The following LRRC63 variants were observed in gnomAD, a reference collection of about 807,000 sequenced individuals.
The protein encoded by LRRC63 is leucine-rich repeat-containing protein 63.
A neutral mutation model predicts 49.5 loss-of-function variants in LRRC63; 40 were observed. The ratio of observed to expected loss-of-function variants is 0.81; its 90% CI spans 0.63 to 1.05. The LOEUF (loss-of-function observed/expected upper bound fraction) is 1.05. Ranked by LOEUF, LRRC63 falls within the 50% of genes least tolerant of loss-of-function variation. The pLI, the probability that LRRC63 is intolerant of heterozygous loss-of-function variation, is 0.00. For missense variants in LRRC63, 636 were observed against 663.1 expected, an observed-to-expected ratio of 0.96 and a Z score of 0.45; for synonymous variants, 191 against 221.1, an observed-to-expected ratio of 0.86 and a Z score of 1.21.
chr13:46,238,868 A>C (rs1256246097), intron 5 of LRRC63, among the ~76,000 whole-genome samples: 2 of 152,240 alleles, frequency 1.3e-5, no homozygotes, highest in African/African-American at 2.4e-5. Context: ...ATGAAAATTA[A>C]ATGACATGCT....
intron 4 of LRRC63, among the ~76,000 whole-genome samples, chr13:46,233,830 T>C (rs1222004630): frequency 6.6e-6 from 1 of 152,238 alleles, no homozygotes; most frequent in Non-Finnish European, 1.5e-5. Flanking sequence ...CTTATTAATT[T>C]TATGAGCCAA....
intron 6 of LRRC63, among the ~76,000 whole-genome samples, chr13:46,247,978 A>C (rs1369585553): frequency 6.6e-6 from 1 of 152,094 alleles, no homozygotes; most frequent in Non-Finnish European, 1.5e-5. Flanking sequence ...ATATGTAGAA[A>C]TTATAGACAA....
At chr13:46,247,316 C>A (rs1053315429) in intron 6 of LRRC63, among the ~76,000 whole-genome samples, 1 of 151,962 alleles carries the variant, frequency 6.6e-6, no homozygotes, top group Non-Finnish European at 1.5e-5. Flanking sequence ...GAAGTTATTT[C>A]TTTTCTAATA....
At chr13:46,229,544 G>A (rs1396680542) in intron 4 of LRRC63, among the ~76,000 whole-genome samples, 2 of 152,150 alleles carry the variant, frequency 1.3e-5, no homozygotes, top group African/African-American at 4.8e-5. Flanking sequence ...GGAGCTAGTA[G>A]TCAGACTTCA....
chr13:46,241,045 G>A lies in LRRC63; in HGVS notation c.991-5482G>A, dbSNP rs1000611070. 5.3e-5 allele frequency among the ~76,000 whole-genome samples: 8 copies of A among 152,324 alleles called. No individual in the cohort carries two copies. The South Asian group carries it at 1.0e-3, about 20-fold the overall frequency. ...TAGCCAAGGCAAGCCTAAGCAAAAA[G>A]AGAAAAGCTAGAGGCATCATGCTAC... is the stretch of plus-strand genomic sequence containing the variant. On this transcript the variant is annotated intron_variant, in intron 5 of 9. Coordinates refer to ENST00000595396, the Ensembl canonical transcript of LRRC63.
rs2047450609 is a variant in LRRC63 at position 46,254,080 on chromosome 13, A to G, written c.1226+3589A>G. ...TTATTTTGAAAAAGAAGTATGACCA[A>G]CAGTGTCAAATACAACAGAGAAGCT... On this transcript the variant is annotated intron_variant, in intron 7 of 9. Coordinates refer to ENST00000595396, the Ensembl canonical transcript of LRRC63. 5.9e-5 allele frequency among the ~76,000 whole-genome samples: 9 copies of G among 152,272 alleles called. No homozygotes were observed. The South Asian group carries it at 1.9e-3, about 32-fold the overall frequency.
chr13:46,276,856 A>ATATATATATATATATATT (rs2047849459), exon 10 of LRRC63: 1 of 158,252 alleles, frequency 6.3e-6, no homozygotes, highest in Non-Finnish European at 1.2e-5. Flanking sequence ...ATATATTTAT[A>ATATATATATATATATATT]TATATATATA....
chr13:46,212,928 T>G, intron 1 of LRRC63, 74 bp from the exon 2 acceptor site: 1 of 730,648 alleles, frequency 1.4e-6, no homozygotes, highest in Non-Finnish European at 2.2e-6. Context: ...TTCTTTAAGA[T>G]GTAATCTAAA....
chr13:46,218,934 C>T (rs1386087747), intron 2 of LRRC63, among the ~76,000 whole-genome samples: 4 of 152,204 alleles, frequency 2.6e-5, no homozygotes, highest in African/African-American at 9.7e-5. Flanking sequence ...TTGGCCCCCA[C>T]TCTCTTCTGG....
chr13:46,249,399 A>G (rs896716541), intron 6 of LRRC63, among the ~76,000 whole-genome samples: 1 of 151,850 alleles, frequency 6.6e-6, no homozygotes, highest in Non-Finnish European at 1.5e-5. Flanking sequence ...ACAAGAGAAA[A>G]AGACAGAAGA....
chr13:46,221,333 T>C (rs1357868172), intron 2 of LRRC63, among the ~76,000 whole-genome samples: 1 of 152,190 alleles, frequency 6.6e-6, no homozygotes, highest in Non-Finnish European at 1.5e-5. Flanking sequence ...ATTGGGCCTT[T>C]TTGGTTGTCA....
At chr13:46,225,624 G>C (rs1367083592) in intron 2 of LRRC63, among the ~76,000 whole-genome samples, 1 of 152,214 alleles carries the variant, frequency 6.6e-6, no homozygotes, top group Non-Finnish European at 1.5e-5. Flanking sequence ...TGTTTTAATA[G>C]AGAGAAAATG....
At position 46,247,185 on chromosome 13, in the gene LRRC63, AG is replaced by A. The variant is rs1384158885; in HGVS notation, c.1089+561del. On this transcript the variant is annotated intron_variant, in intron 6 of 9. Transcript: ENST00000595396. ...GGTGGTTTTGTGAATTGATTTCCAG[AG>A]TATTGTCTTTTAGTGAGTTTATTTT... is the stretch of plus-strand genomic sequence containing the variant. Among the ~76,000 whole-genome samples, 3 of 152,018 alleles carry A rather than the reference AG, an allele frequency of 2.0e-5. No homozygotes were observed. The East Asian group carries it at 5.8e-4, about 29-fold the overall frequency.
intron 2 of LRRC63, among the ~76,000 whole-genome samples, chr13:46,214,867 G>C (rs915808266): frequency 1.3e-5 from 2 of 152,100 alleles, no homozygotes. Context: ...ACAGTGTTTG[G>C]TTTTCTTTTC....
At chr13:46,258,525 A>G (rs1278592681) in intron 7 of LRRC63, among the ~76,000 whole-genome samples, 1 of 149,396 alleles carries the variant, frequency 6.7e-6, no homozygotes, top group East Asian at 2.0e-4. Context: ...AATCTTGTAA[A>G]TTGGCTGGGC....
At chr13:46,249,473 G>A (rs2047314617) in intron 6 of LRRC63, among the ~76,000 whole-genome samples, 1 of 151,640 alleles carries the variant, frequency 6.6e-6, no homozygotes, top group African/African-American at 2.4e-5. Context: ...AAATTAAAAA[G>A]ATTTAAAGAA....
At chr13:46,224,570 C>T (rs1405027536) in intron 2 of LRRC63, among the ~76,000 whole-genome samples, 1 of 152,254 alleles carries the variant, frequency 6.6e-6, no homozygotes, top group Non-Finnish European at 1.5e-5. Context: ...TCAGCAACTT[C>T]TTTTTGATTA....
At chr13:46,228,551 T>G in intron 3 of LRRC63, 114 bp from the exon 4 acceptor site, 1 of 686,940 alleles carries the variant, frequency 1.5e-6, no homozygotes, top group Non-Finnish European at 2.5e-6. Context: ...TGAATATATT[T>G]TCATGGATAA....
chr13:46,232,981 C>T, intron 4 of LRRC63, among the ~76,000 whole-genome samples: 1 of 152,048 alleles, frequency 6.6e-6, no homozygotes, highest in East Asian at 1.9e-4. Flanking sequence ...ATTCAAATAG[C>T]TGCATTTAGT....
Sources: gnomAD v4.1 joint callset for allele counts (sites outside exome capture counted in the v4.1 genomes callset) on GRCh38, gnomAD v4.1.1 for gene constraint, MANE v1.5 for transcripts, NCBI Gene and HGNC (gene_info 2026-07-23, HGNC 2026-07-21) for gene names.